The following AKAP19 variants were observed in gnomAD, a reference collection of about 807,000 sequenced individuals.
AKAP19 encodes the protein A-kinase anchoring protein 19.
At chr2:189,882,041 C>G in the AKAP19 span, among the ~76,000 whole-genome samples, 3 of 151,994 alleles carry the variant, frequency 2.0e-5, no homozygotes, top group South Asian at 6.2e-4. Flanking sequence ...TTTTTAAAGC[C>G]AAGCCCAGCC....
chr2:190,153,065 T>C, the AKAP19 span, among the ~76,000 whole-genome samples: 3 of 152,096 alleles, frequency 2.0e-5, no homozygotes, highest in Non-Finnish European at 4.4e-5. Context: ...CCGGCTAATT[T>C]TTTGTAATTT....
At chr2:190,073,016 A>G in the AKAP19 span, among the ~76,000 whole-genome samples, 1 of 152,170 alleles carries the variant, frequency 6.6e-6, no homozygotes, top group Admixed American at 6.5e-5. Flanking sequence ...TGAGTCAGAA[A>G]CAGCAAAGTA....
the AKAP19 span, among the ~76,000 whole-genome samples, chr2:190,033,195 T>A: frequency 6.6e-6 from 1 of 152,244 alleles, no homozygotes; most frequent in East Asian, 1.9e-4. Context: ...GAAACAGACC[T>A]TTAATAAGAA....
chr2:190,127,045 A>T, the AKAP19 span, among the ~76,000 whole-genome samples: 2 of 152,136 alleles, frequency 1.3e-5, no homozygotes, highest in Non-Finnish European at 2.9e-5. Flanking sequence ...GTAGAGCTGT[A>T]AACAAGGTGT....
At chr2:189,982,051 C>G in the AKAP19 span, among the ~76,000 whole-genome samples, 4 of 152,078 alleles carry the variant, frequency 2.6e-5, no homozygotes, top group African/African-American at 9.7e-5. Context: ...GTTGAACTGT[C>G]TACCCAAGAT....
At chr2:190,103,127 A>T in the AKAP19 span, among the ~76,000 whole-genome samples, 234 of 152,358 alleles carry the variant, frequency 1.5e-3, 2 homozygotes, top group African/African-American at 5.4e-3. Context: ...AAAGCCTTGG[A>T]TAAAACCTAA....
At chr2:190,077,455 GTTAAC>G in the AKAP19 span, among the ~76,000 whole-genome samples, 2 of 151,674 alleles carry the variant, frequency 1.3e-5, no homozygotes, top group African/African-American at 4.9e-5. Context: ...ATGTTAACAT[GTTAAC>G]ATGTTAACAT....
At chr2:190,187,383 G>A in the AKAP19 span, among the ~76,000 whole-genome samples, 2 of 147,954 alleles carry the variant, frequency 1.4e-5, no homozygotes, top group South Asian at 4.3e-4. Flanking sequence ...CAGCCTATTC[G>A]TTTACACAGC....
At chr2:190,093,392 C>G in the AKAP19 span, among the ~76,000 whole-genome samples, 1 of 151,762 alleles carries the variant, frequency 6.6e-6, no homozygotes, top group African/African-American at 2.4e-5. Context: ...AAGATTGTGC[C>G]ACTGCACTCC....
chr2:190,140,821 G>A, the AKAP19 span, among the ~76,000 whole-genome samples: 11 of 152,248 alleles, frequency 7.2e-5, no homozygotes, highest in South Asian at 2.1e-4. Flanking sequence ...TTTCTGCAAC[G>A]GGCTTAAATT....
chr2:190,025,479 A>G, the AKAP19 span, among the ~76,000 whole-genome samples: 2 of 152,200 alleles, frequency 1.3e-5, no homozygotes, highest in Non-Finnish European at 2.9e-5. Context: ...ACAATTACAT[A>G]TAGTAATGTA....
At chr2:189,926,585 C>CTTTT in the AKAP19 span, among the ~76,000 whole-genome samples, 1 of 72,410 alleles carries the variant, frequency 1.4e-5, no homozygotes, top group Admixed American at 1.8e-4. Context: ...CGCGCCCGGC[C>CTTTT]TTTTTTTTTT....
At chr2:189,902,439 T>C in the AKAP19 span, among the ~76,000 whole-genome samples, 2 of 152,074 alleles carry the variant, frequency 1.3e-5, no homozygotes, top group African/African-American at 4.8e-5. Context: ...AAAACCTCCA[T>C]GAACTTCTTG....
At chr2:190,180,598 C>T in the AKAP19 span, 1 of 985,780 alleles carries the variant, frequency 1.0e-6, no homozygotes, top group Non-Finnish European at 1.2e-6. This position sits in a 1 kb window ranked among gnomAD's most constrained non-coding sequence, Gnocchi z 6.8. Context: ...GGGCGGTGGC[C>T]CAGACCAACC....
chr2:190,036,068 C>T, the AKAP19 span, among the ~76,000 whole-genome samples: 1 of 152,134 alleles, frequency 6.6e-6, no homozygotes, highest in African/African-American at 2.4e-5. Flanking sequence ...GCTGAGAAAA[C>T]TATTCAAATT....
chr2:190,060,240 C>A, the AKAP19 span: 6 of 1,613,034 alleles, frequency 3.7e-6, no homozygotes, highest in Non-Finnish European at 5.1e-6. Flanking sequence ...TTTCAGAGAT[C>A]GGATTCCAGT....
chr2:190,100,688 A>T, the AKAP19 span, among the ~76,000 whole-genome samples: 3 of 152,032 alleles, frequency 2.0e-5, no homozygotes, highest in South Asian at 2.1e-4. Flanking sequence ...ACAATTAGAA[A>T]TTTTTTTTTC....
the AKAP19 span, among the ~76,000 whole-genome samples, chr2:189,970,986 CT>C: frequency 2.0e-5 from 3 of 152,014 alleles, no homozygotes; most frequent in South Asian, 2.1e-4. Flanking sequence ...TTTTTATTCT[CT>C]TTTTTTATTA....
At chr2:190,127,153 A>G in the AKAP19 span, among the ~76,000 whole-genome samples, 2 of 151,588 alleles carry the variant, frequency 1.3e-5, no homozygotes, top group Non-Finnish European at 2.9e-5. Flanking sequence ...GATGTAAATT[A>G]CTATTTGGAA....
Sources: allele counts gnomAD v4.1 joint callset (sites outside exome capture counted in the v4.1 genomes callset), GRCh38; gene constraint gnomAD v4.1.1; non-coding constraint Gnocchi (gnomAD v3.1); transcripts MANE v1.5; gene names NCBI Gene and HGNC (gene_info 2026-07-23, HGNC 2026-07-21).